Variants in PPA2 observed in about 807,000 individuals in gnomAD.
The protein encoded by PPA2 is inorganic pyrophosphatase 2, mitochondrial.
Under a neutral mutation model 49.5 loss-of-function variants are expected in PPA2, and 48 were observed. The ratio of observed to expected loss-of-function variants is 0.97; its 90% CI spans 0.77 to 1.23. The LOEUF is 1.23. Ranked by LOEUF, PPA2 falls within the 50% of genes most tolerant of loss-of-function variation. The probability of loss-of-function intolerance (pLI) is 0.00; values close to 1 mark genes in which losing one functional copy is unlikely to be tolerated. For synonymous variants in PPA2, 131 were observed against 139.9 expected, an observed-to-expected ratio of 0.94 and a Z score of 0.45; for missense variants, 429 against 410.1, an observed-to-expected ratio of 1.05 and a Z score of -0.40.
intron 7 of PPA2, chr4:105,405,077 C>A (rs545327786): frequency 2.4e-6 from 1 of 423,410 alleles, no homozygotes; most frequent in Non-Finnish European, 3.2e-6. Context: ...AGTGAGACTC[C>A]GCCTCAAAAA....
intron 1 of PPA2, among the ~76,000 whole-genome samples, chr4:105,470,269 C>G (rs954989739): frequency 6.6e-6 from 1 of 152,206 alleles, no homozygotes; most frequent in African/African-American, 2.4e-5. Context: ...ATAAGTGAGT[C>G]TAACTTCATT....
Position 105,399,432 on chromosome 4 carries a change from G to A in PPA2, c.656-268C>T, listed in dbSNP as rs17035551. ...TGCTATGTATGGGGAATAAATGGATGGATACAACAAAGTTCTTTTCATCAA... is the reference window on the plus strand; with the variant it reads ...TGCTATGTATGGGGAATAAATGGATAGATACAACAAAGTTCTTTTCATCAA... On this transcript the variant is annotated intron_variant, in intron 7 of 11. Transcript: ENST00000341695. The A allele has an allele frequency of 0.17, 42,162 of 251,650 alleles. 4,055 individuals are homozygous for A. Among genetic ancestry groups the A allele is most frequent in the African/African-American group, 0.27 (11,985 of 45,062 alleles). 15.6% of individuals were successfully genotyped at this position (251,650 alleles called of 1,614,324 possible).
chr4:105,469,778 T>C (rs1399656964), intron 1 of PPA2, among the ~76,000 whole-genome samples: 1 of 152,236 alleles, frequency 6.6e-6, no homozygotes, highest in Non-Finnish European at 1.5e-5. Context: ...TGTTCCATTA[T>C]ATCAGTTGAA....
At chr4:105,467,242 G>C (rs1335837406) in intron 1 of PPA2, among the ~76,000 whole-genome samples, 2 of 152,188 alleles carry the variant, frequency 1.3e-5, no homozygotes, top group Non-Finnish European at 2.9e-5. Flanking sequence ...AGATCTCTCT[G>C]GTGGGTAACA....
In PPA2 at chr4:105,473,880, C is replaced by T. The variant is rs377409599; in HGVS notation, c.157+14G>A. 4.4e-6 allele frequency: 7 copies of T among 1,586,838 alleles called. No individual in the cohort carries two copies. The Admixed American group carries it at 5.3e-5, about 12-fold the overall frequency. On this transcript the variant is annotated intron_variant, in intron 1 of 11. Transcript: ENST00000341695. ...TCCGGTGCGCCGCTCGGCGAACCTC[C>T]GGGAGCTACTTACTAAAGAAGAGGC...
At chr4:105,370,358 T>G (rs1732973060) in intron 11 of PPA2, among the ~76,000 whole-genome samples, 1 of 152,156 alleles carries the variant, frequency 6.6e-6, no homozygotes, top group Non-Finnish European at 1.5e-5. Context: ...CATGCTTAAA[T>G]TCTGAAAATT....
At chr4:105,381,718 A>T (rs1733497265) in intron 10 of PPA2, among the ~76,000 whole-genome samples, 1 of 152,076 alleles carries the variant, frequency 6.6e-6, no homozygotes, top group Non-Finnish European at 1.5e-5. Context: ...TTATGTCTTC[A>T]TTTTAATTCT....
chr4:105,421,632 A>G (rs1218814756), intron 7 of PPA2, among the ~76,000 whole-genome samples: 1 of 152,248 alleles, frequency 6.6e-6, no homozygotes. Context: ...TTGTGCCTAC[A>G]TCAATTTTTT....
chr4:105,387,440 A>T (rs1733728366), intron 9 of PPA2, among the ~76,000 whole-genome samples: 1 of 152,222 alleles, frequency 6.6e-6, no homozygotes, highest in South Asian at 2.1e-4. Context: ...ACGTAAACAT[A>T]TTCCCCCTCA....
intron 6 of PPA2, among the ~76,000 whole-genome samples, chr4:105,425,380 A>G (rs1723445764): frequency 6.6e-6 from 1 of 152,192 alleles, no homozygotes; most frequent in Non-Finnish European, 1.5e-5. Context: ...GAAAACAAAA[A>G]AAACCAAATA....
At chr4:105,390,137 C>T (rs2636730) in intron 9 of PPA2, among the ~76,000 whole-genome samples, 91,498 of 151,938 alleles carry the variant, frequency 0.6, 27,589 homozygotes, top group East Asian at 0.69. Context: ...GACCCCTTCC[C>T]TACACCTTAT....
intron 7 of PPA2, among the ~76,000 whole-genome samples, chr4:105,402,743 G>GA (rs1457855975): frequency 6.6e-6 from 1 of 152,030 alleles, no homozygotes; most frequent in Non-Finnish European, 1.5e-5. Flanking sequence ...CTACATAGAG[G>GA]AAAAAATGGA....
At chr4:105,432,816 A>T (rs1723875703) in intron 6 of PPA2, among the ~76,000 whole-genome samples, 1 of 152,196 alleles carries the variant, frequency 6.6e-6, no homozygotes, top group East Asian at 1.9e-4. Flanking sequence ...GGAAGCCAAA[A>T]GATTGGACAC....
chr4:105,464,699 T>C (rs921721390), intron 1 of PPA2, among the ~76,000 whole-genome samples: 51 of 152,174 alleles, frequency 3.4e-4, no homozygotes, highest in Non-Finnish European at 1.0e-4. Context: ...GATGATTATA[T>C]ACGGGGGAGT....
rs562175067 is a variant in PPA2, at chr4:105,386,813, G to T, written c.870-177C>A. Among the ~76,000 whole-genome samples, 17 of 152,210 alleles carry T rather than the reference G, an allele frequency of 1.1e-4. 1 individual carries two copies. The highest frequency in any genetic ancestry group is 1.0e-3 in the Admixed American group (16 of 15,272). The stretch of plus-strand genomic sequence containing the variant: ...ATTATTGTATATTCTTTCAGGCAAG[G>T]TTCTAAGTATAGAGTAGTCCACAGC... On this transcript the variant is annotated intron_variant, in intron 9 of 11. Transcript: ENST00000341695.
At chr4:105,379,034 T>C (rs1175274215) in intron 10 of PPA2, among the ~76,000 whole-genome samples, 1 of 152,112 alleles carries the variant, frequency 6.6e-6, no homozygotes, top group East Asian at 1.9e-4. Context: ...AAAAAGTATA[T>C]TGGAATTTGA....
At chr4:105,411,450 A>G (rs1722753719) in intron 7 of PPA2, among the ~76,000 whole-genome samples, 1 of 152,192 alleles carries the variant, frequency 6.6e-6, no homozygotes, top group African/African-American at 2.4e-5. Flanking sequence ...CAAAATAATA[A>G]GAGCTATTTA....
intron 9 of PPA2, among the ~76,000 whole-genome samples, chr4:105,389,025 C>T (rs980443869): frequency 6.6e-6 from 1 of 151,890 alleles, no homozygotes; most frequent in Non-Finnish European, 1.5e-5. Context: ...TCCTTTTAGT[C>T]AATAATATAT....
chr4:105,408,322 G>GT (rs1491221087), intron 7 of PPA2, among the ~76,000 whole-genome samples: 1 of 152,188 alleles, frequency 6.6e-6, no homozygotes, highest in Non-Finnish European at 1.5e-5. Context: ...TGGATAAACA[G>GT]TGTGCATGGC....
Sources: gnomAD v4.1 joint callset for allele counts (sites outside exome capture counted in the v4.1 genomes callset) on GRCh38, gnomAD v4.1.1 for gene constraint, MANE v1.5 for transcripts, NCBI Gene and HGNC (gene_info 2026-07-23, HGNC 2026-07-21) for gene names.